The following SATL1 variants were observed in gnomAD, a reference collection of about 807,000 sequenced individuals.
SATL1 encodes spermidine/spermine N1-acetyl transferase like 1.
Under a neutral mutation model 51.8 loss-of-function variants are expected in SATL1, and 47 were observed. The ratio of observed to expected loss-of-function variants is 0.91; its 90% CI spans 0.72 to 1.16. SATL1 has a LOEUF of 1.16. Among genes scored for constraint, SATL1 ranks in the 50% most tolerant of loss-of-function variants. The probability of loss-of-function intolerance (pLI) is 0.00; values close to 1 mark genes in which losing one functional copy is unlikely to be tolerated. For synonymous variants in SATL1, 176 were observed against 182.4 expected, an observed-to-expected ratio of 0.97 and a Z score of 0.28; for missense variants, 520 against 526.4, an observed-to-expected ratio of 0.99 and a Z score of 0.12.
intron 7 of SATL1, 54 bp from the exon 8 acceptor site, chrX:85,092,615 T>C: frequency 9.4e-7 from 1 of 1,059,126 alleles, no homozygotes; most frequent in Non-Finnish European, 1.3e-6. Flanking sequence ...ATAATCTTCG[T>C]TAACACATAT....
At chrX:85,197,647 CT>C (rs1288942084) in intron 2 of SATL1, among the ~76,000 whole-genome samples, 6 of 103,209 alleles carry the variant, frequency 5.8e-5, no homozygotes, top group African/African-American at 2.1e-4. Flanking sequence ...TCCCTCCCCC[CT>C]CCCCACACCC....
intron 2 of SATL1, among the ~76,000 whole-genome samples, chrX:85,109,594 C>T (rs887802480): frequency 1.8e-5 from 2 of 111,817 alleles, no homozygotes; most frequent in Admixed American, 1.9e-4. Context: ...CTCCCTTTCC[C>T]TTCATCCCAT....
chrX:85,120,283 T>A (rs954661580), intron 2 of SATL1, among the ~76,000 whole-genome samples: 1 of 111,603 alleles, frequency 9.0e-6, no homozygotes, highest in African/African-American at 3.3e-5. Flanking sequence ...GACTATTTAC[T>A]TACTGTCTTT....
Position 85,148,835 on chromosome X carries a change from C to A in SATL1, c.-312-39555G>T, listed in dbSNP as rs1204100294. On this transcript the variant is annotated intron_variant, in intron 2 of 7. Transcript: ENST00000644105. ...AGGAAGCACTAAACATGGAAAGGAACAACTGGTACCAGCCACTGCAAAATC... is the reference window on the plus strand; with the variant it reads ...AGGAAGCACTAAACATGGAAAGGAAAAACTGGTACCAGCCACTGCAAAATC... 1.5e-4 allele frequency among the ~76,000 whole-genome samples: 17 copies of A among 111,429 alleles called. 1 individual carries two copies. Among genetic ancestry groups the A allele is most frequent in the Non-Finnish European group, 3.8e-5 (2 of 53,075 alleles).
chrX:85,094,778 A>G, intron 5 of SATL1, 138 bp downstream of exon 5: 1 of 442,113 alleles, frequency 2.3e-6, no homozygotes, highest in East Asian at 3.8e-5. Flanking sequence ...AGTACATACC[A>G]TGCATTTTCT....
intron 2 of SATL1, among the ~76,000 whole-genome samples, chrX:85,173,497 C>CT (rs1046237109): frequency 3.7e-5 from 4 of 108,817 alleles, no homozygotes; most frequent in Non-Finnish European, 7.7e-5. Flanking sequence ...CCATGGTTTT[C>CT]TTTTTTTTAT....
At chrX:85,238,879 T>C (rs1356736885) in intron 1 of SATL1, among the ~76,000 whole-genome samples, 1 of 110,696 alleles carries the variant, frequency 9.0e-6, no homozygotes, top group Non-Finnish European at 1.9e-5. Flanking sequence ...TACAAAAAAA[T>C]ACAATAAAAT....
chrX:85,146,373 G>A (rs1926239521), intron 2 of SATL1, among the ~76,000 whole-genome samples: 2 of 111,693 alleles, frequency 1.8e-5, no homozygotes, highest in African/African-American at 6.5e-5. Context: ...ATAAATGCTT[G>A]AGGTGATGGA....
intron 2 of SATL1, among the ~76,000 whole-genome samples, chrX:85,123,963 T>C (rs1461823230): frequency 8.9e-6 from 1 of 111,836 alleles, no homozygotes; most frequent in Non-Finnish European, 1.9e-5. Context: ...GGGGTTTTAC[T>C]TTATATACTT....
chrX:85,154,044 A>G (rs764457400), intron 2 of SATL1: 33 of 112,066 alleles, frequency 2.9e-4, no homozygotes, highest in Non-Finnish European at 5.1e-4. Flanking sequence ...ACATTCATCA[A>G]CATCGTAATT....
At chrX:85,125,956 A>G (rs942753293) in intron 2 of SATL1, among the ~76,000 whole-genome samples, 3 of 110,361 alleles carry the variant, frequency 2.7e-5, no homozygotes, top group Non-Finnish European at 5.7e-5. Context: ...ACTCATTGTA[A>G]TCCTATGTTA....
intron 2 of SATL1, among the ~76,000 whole-genome samples, chrX:85,123,824 A>G (rs1342125605): frequency 9.0e-6 from 1 of 111,544 alleles, no homozygotes; most frequent in Non-Finnish European, 1.9e-5. Flanking sequence ...GCCAACTATG[A>G]TTTCATATCA....
chrX:85,182,005 C>T (rs1178574950), intron 2 of SATL1, among the ~76,000 whole-genome samples: 1 of 111,340 alleles, frequency 9.0e-6, no homozygotes, highest in Non-Finnish European at 1.9e-5. Flanking sequence ...ATGGAGTACA[C>T]AGTGATATTG....
At chrX:85,178,222 T>C (rs1927121620) in intron 2 of SATL1, among the ~76,000 whole-genome samples, 1 of 111,157 alleles carries the variant, frequency 9.0e-6, no homozygotes, top group Admixed American at 9.7e-5. Flanking sequence ...CTGCCTCTCA[T>C]TCAGCCTTGG....
chrX:85,237,470 C>G (rs1928503188), intron 1 of SATL1, among the ~76,000 whole-genome samples: 1 of 111,589 alleles, frequency 9.0e-6, no homozygotes, highest in Non-Finnish European at 1.9e-5. Context: ...GGAGTAAAGA[C>G]AGTCTCTTCA....
chrX:85,101,808 T>C (rs897718122), intron 4 of SATL1, among the ~76,000 whole-genome samples: 2 of 110,957 alleles, frequency 1.8e-5, no homozygotes, highest in Non-Finnish European at 3.8e-5. Flanking sequence ...TATCTCACAT[T>C]ATATATATAC....
chrX:85,159,004 T>C (rs1378013800), intron 2 of SATL1, among the ~76,000 whole-genome samples: 1 of 111,787 alleles, frequency 8.9e-6, no homozygotes, highest in African/African-American at 3.2e-5. Context: ...GAGAGTATTA[T>C]TATAACTTAA....
At chrX:85,184,479 A>G (rs1030623726) in intron 2 of SATL1, among the ~76,000 whole-genome samples, 1 of 111,215 alleles carries the variant, frequency 9.0e-6, no homozygotes, top group African/African-American at 3.3e-5. Context: ...TCCTTTTGAG[A>G]CTATTTTCTA....
intron 1 of SATL1, among the ~76,000 whole-genome samples, chrX:85,229,227 C>T (rs1157657118): frequency 9.0e-6 from 1 of 111,488 alleles, no homozygotes; most frequent in Non-Finnish European, 1.9e-5. Flanking sequence ...GTGAATTCTA[C>T]CAAACATCTA....
Sources: gnomAD v4.1 joint callset for allele counts (sites outside exome capture counted in the v4.1 genomes callset) on GRCh38, gnomAD v4.1.1 for gene constraint, MANE v1.5 for transcripts, NCBI Gene and HGNC (gene_info 2026-07-23, HGNC 2026-07-21) for gene names.